The following CANT1 variants were observed in gnomAD, a reference collection of about 807,000 sequenced individuals.
The protein encoded by CANT1 is calcium activated nucleotidase 1.
CANT1 carries 26 observed loss-of-function variants against 30.0 expected under a neutral mutation model. The ratio of observed to expected loss-of-function variants is 0.87; its 90% CI spans 0.64 to 1.20. CANT1 has a LOEUF of 1.20. Ranked by LOEUF, CANT1 falls within the 50% of genes most tolerant of loss-of-function variation. The probability of loss-of-function intolerance (pLI) is 0.00; values close to 1 mark genes in which losing one functional copy is unlikely to be tolerated. For missense variants in CANT1, 518 were observed against 563.0 expected (o/e 0.92, Z 0.81); for synonymous variants, 246 against 251.8 (o/e 0.98, Z 0.22).
At chr17:78,994,974 G>A (rs1599220268) in intron 4 of CANT1, 44 bp downstream of exon 4, 1 of 1,535,168 alleles carries the variant, frequency 6.5e-7, no homozygotes, top group East Asian at 2.4e-5. Context: ...CCCAGCGACT[G>A]GGCTGTGGAA....
Position 78,996,486 on chromosome 17 carries a change from T to G in CANT1, c.631+506A>C, listed in dbSNP as rs139747758. Among the ~76,000 whole-genome samples, 831 of 152,246 alleles carry G rather than the reference T, an allele frequency of 5.5e-3. 8 individuals are homozygous for G. The highest frequency in any genetic ancestry group is 8.7e-3 in the Non-Finnish European group (592 of 68,004). On this transcript the variant is annotated intron_variant, in intron 3 of 4. Transcript: ENST00000392446. This position sits in a 1 kb window ranked among gnomAD's most constrained non-coding sequence, Gnocchi z 5.1. ...GCATCAGGCTCCACTCCAGGGGGGT[T>G]GGCACAGCTCACACATGCCCTCCCC...
rs116584892 is a variant in CANT1 at position 79,002,529 on chromosome 17, C to T, written c.-146-4566G>A. ...CTGCCTGGTGTGTAGACGCGGCCTG[C>T]GTAGACGCGGCCTGCTGTGTAGTCA... On this transcript the variant is annotated intron_variant, in intron 1 of 4. Transcript: ENST00000392446. The surrounding 1 kb of genome is among the most constrained non-coding windows in gnomAD (Gnocchi z 4.0). Among the ~76,000 whole-genome samples, 3,795 of 151,870 alleles carry T rather than the reference C, an allele frequency of 0.025. 54 individuals carry two copies. Among genetic ancestry groups the T allele is most frequent in the Middle Eastern group, 0.031 (9 of 294 alleles).
At chr17:79,006,986 C>T (rs1258147874) in intron 1 of CANT1, among the ~76,000 whole-genome samples, 1 of 152,242 alleles carries the variant, frequency 6.6e-6, no homozygotes, top group African/African-American at 2.4e-5. Context: ...CCCACTCCCA[C>T]ATGGTGGCAT....
In CANT1 at chr17:78,997,662, G is replaced by C. The variant is rs775198770; in HGVS notation, c.-22-18C>G. 3.3e-5 allele frequency: 50 copies of C among 1,520,370 alleles called. No individual in the cohort carries two copies. The South Asian group carries it at 5.1e-4, about 16-fold the overall frequency. 94.2% of individuals were successfully genotyped at this position (1,520,370 alleles called of 1,614,324 possible). ...GGCGGGACCTGCACAGCCAGGGAGGGAGGAGAGGAGTCAGCGCCTCCGCAA... is the reference window on the plus strand; with the variant it reads ...GGCGGGACCTGCACAGCCAGGGAGGCAGGAGAGGAGTCAGCGCCTCCGCAA... On this transcript the variant is annotated intron_variant, in intron 2 of 4. Coordinates refer to ENST00000392446, the MANE Select transcript of CANT1 (RefSeq NM_001159773.2). This position sits in a 1 kb window ranked among gnomAD's most constrained non-coding sequence, Gnocchi z 7.5.
At position 78,993,693 on chromosome 17, in the gene CANT1, C is replaced by T. The variant is rs145516713; in HGVS notation, c.1063G>A (p.Asp355Asn). The T allele has an allele frequency of 5.2e-4, 843 of 1,614,180 alleles. 1 individual carries two copies. The highest frequency in any genetic ancestry group is 2.4e-3 in the Admixed American group (144 of 60,028). The change falls in exon 5 of 5, where the codon GAC (aspartate) becomes AAC (asparagine). Residue 355 changes from aspartate (D) to asparagine (N), a missense_variant. By Grantham distance (23) the Asp-to-Asn change is conservative. Transcript: ENST00000392446. The surrounding 1 kb of genome is among the most constrained non-coding windows in gnomAD (Gnocchi z 4.5). ...GATTTGAGGGCCACAATGATCTGGT[C>T]GTCGGTGTTGGGGATGAACTTGAAG... ...SSFKFIPNTD[D>N]QIIVALKSEE...
rs2070913076 is a variant in CANT1 at position 78,993,641 on chromosome 17, G to T, written c.1115C>A (p.Ser372Tyr). 1 of 1,614,146 alleles carries T rather than the reference G, an allele frequency of 6.2e-7. No homozygotes were observed. Among genetic ancestry groups the T allele is most frequent in the South Asian group, 1.1e-5 (1 of 91,090 alleles). The part of the protein sequence containing the change: ...KSEEDSGRVA[S>Y]YIMAFTLDGR... ...GTCCAGCGTGAAGGCCATGATGTAG[G>T]AGGCGACTCTGCCGCTGTCCTCCTC... Residue 372 changes from serine to tyrosine, a missense_variant, in exon 5 of 5, where the codon TCC becomes TAC. Physicochemically the swap from Ser to Tyr is moderately radical, Grantham distance 144. Coordinates refer to ENST00000392446, the MANE Select transcript of CANT1 (RefSeq NM_001159773.2). This position sits in a 1 kb window ranked among gnomAD's most constrained non-coding sequence, Gnocchi z 4.5.
intron 4 of CANT1, 48 bp downstream of exon 4, chr17:78,994,970 G>T: frequency 6.5e-7 from 1 of 1,529,302 alleles, no homozygotes; most frequent in Non-Finnish European, 8.8e-7. Context: ...GGTTCCCAGC[G>T]ACTGGGCTGT....
In CANT1 at chr17:78,996,945, C is replaced by G. The variant is rs1325061744; in HGVS notation, c.631+47G>C. On this transcript the variant is annotated intron_variant, in intron 3 of 4. Transcript: ENST00000392446. This position sits in a 1 kb window ranked among gnomAD's most constrained non-coding sequence, Gnocchi z 5.1. ...CTGTGTTTGCCAGCCAGGCCCTGAG[C>G]TCCCACTCCCCACCCACACCTCCAT... 6.2e-7 allele frequency: 1 copy of G among 1,610,030 alleles called. No individual in the cohort carries two copies. The highest frequency in any genetic ancestry group is 2.2e-5 in the East Asian group (1 of 44,884).
chr17:79,000,983 T>C (rs1366670756), intron 1 of CANT1, among the ~76,000 whole-genome samples: 1 of 152,102 alleles, frequency 6.6e-6, no homozygotes, highest in Non-Finnish European at 1.5e-5. Context: ...GGTGAGCCAT[T>C]AGCCACTTCT....
At position 78,995,378 on chromosome 17, in the gene CANT1, A is replaced by T; in HGVS notation, c.632-157T>A. On this transcript the variant is annotated intron_variant, in intron 3 of 4. Coordinates refer to ENST00000392446, the MANE Select transcript of CANT1 (RefSeq NM_001159773.2). This position sits in a 1 kb window ranked among gnomAD's most constrained non-coding sequence, Gnocchi z 5.7. ...TCCGGCCCGCACCTGGCTCCCGCCC[A>T]GGGCCGGCCGGCTGCCCTCCCCTCA... The T allele has an allele frequency of 1.3e-6, 1 of 761,020 alleles. No individual in the cohort carries two copies. Among genetic ancestry groups the T allele is most frequent in the Non-Finnish European group, 2.2e-6 (1 of 463,252 alleles). 47.1% of individuals were successfully genotyped at this position (761,020 alleles called of 1,614,324 possible). A position where few individuals can be genotyped will look rare whatever the true frequency, so the allele number is the denominator to read the frequency against.
chr17:78,993,898 G>A lies in CANT1; in HGVS notation c.858C>T (p.Ala286=), dbSNP rs1269003955. ...AGCGCTGCAGCGTGTCACTCCAGCA[G>A]GCAGACTCATGGATGAGGTAGCCTG... ...QPPGYLIHES[A]CWSDTLQRWF... is the part of the protein sequence containing the mutation. Residue 286 remains alanine, a synonymous_variant, in exon 5 of 5, where the codon GCC becomes GCT. Transcript: ENST00000392446. The surrounding 1 kb of genome is among the most constrained non-coding windows in gnomAD (Gnocchi z 4.5). 7 of 1,589,798 alleles carry A rather than the reference G, an allele frequency of 4.4e-6. No homozygotes were observed. Among genetic ancestry groups the A allele is most frequent in the Non-Finnish European group, 5.1e-6 (6 of 1,174,432 alleles).
At position 78,993,989 on chromosome 17, in the gene CANT1, C is replaced by T. The variant is rs986368921; in HGVS notation, c.836-69G>A. ...TGTGCCCAGCCCCACACCATCAGGC[C>T]GTGCGCAGTAGCAGGCAAGGGGCTG... On this transcript the variant is annotated intron_variant, in intron 4 of 4. Transcript: ENST00000392446. The surrounding 1 kb of genome is among the most constrained non-coding windows in gnomAD (Gnocchi z 4.5). The T allele has an allele frequency of 2.7e-6, 4 of 1,506,072 alleles. No homozygotes were observed. The highest frequency in any genetic ancestry group is 2.1e-5 in the Admixed American group (1 of 48,236). 93.3% of individuals were successfully genotyped at this position (1,506,072 alleles called of 1,614,324 possible). A position where few individuals can be genotyped will look rare whatever the true frequency, so the allele number is the denominator to read the frequency against.
chr17:79,000,497 C>T (rs2071217963), intron 1 of CANT1, among the ~76,000 whole-genome samples: 1 of 151,472 alleles, frequency 6.6e-6, no homozygotes, highest in Non-Finnish European at 1.5e-5. Flanking sequence ...TGCCAGCTGC[C>T]CCCCACCAAC....
intron 1 of CANT1, among the ~76,000 whole-genome samples, chr17:79,007,300 A>G (rs1210823138): frequency 6.6e-6 from 1 of 152,260 alleles, no homozygotes; most frequent in Non-Finnish European, 1.5e-5. Flanking sequence ...TTGGCATTTC[A>G]TAAGAGCTTT....
chr17:78,994,998 C>T lies in CANT1; in HGVS notation c.835+20G>A. ...TGGGCTGTGGAAGCCACACTGTGGG[C>T]TGGGGCAGGCGTCTCTTACCTGGCG... On this transcript the variant is annotated intron_variant, in intron 4 of 4. Coordinates refer to ENST00000392446, the MANE Select transcript of CANT1 (RefSeq NM_001159773.2). The T allele has an allele frequency of 1.3e-6, 2 of 1,551,320 alleles. No homozygotes were observed. Among genetic ancestry groups the T allele is most frequent in the South Asian group, 1.2e-5 (1 of 84,570 alleles).
In CANT1 at chr17:78,993,784, G is replaced by C. The variant is rs1437197200; in HGVS notation, c.972C>G (p.Ser324=). Reference sequence around the variant, plus strand: ...TCACAGCGATGTCGCCGAAGTCAGGGGAGGCGCTCAGCAGCAGGTTGGCGC... The same window carrying C: ...TCACAGCGATGTCGCCGAAGTCAGGCGAGGCGCTCAGCAGCAGGTTGGCGC... ...RKGANLLLSA[S]PDFGDIAVSH... is the part of the protein sequence containing the mutation. The change falls in exon 5 of 5, where the codon TCC becomes TCG. Residue 324 remains serine (S), a synonymous_variant. Transcript: ENST00000392446. This position sits in a 1 kb window ranked among gnomAD's most constrained non-coding sequence, Gnocchi z 4.5. 5 of 1,612,396 alleles carry C rather than the reference G, an allele frequency of 3.1e-6. No individual in the cohort carries two copies. The highest frequency in any genetic ancestry group is 2.5e-6 in the Non-Finnish European group (3 of 1,179,762).
intron 1 of CANT1, among the ~76,000 whole-genome samples, chr17:79,000,710 A>C (rs944308901): frequency 6.6e-6 from 1 of 152,184 alleles, no homozygotes; most frequent in Admixed American, 6.5e-5. Flanking sequence ...CAGAGCCTGC[A>C]GTTCCCCCTG....
intron 1 of CANT1, among the ~76,000 whole-genome samples, chr17:79,001,219 G>A (rs2071248959): frequency 6.6e-6 from 1 of 152,084 alleles, no homozygotes; most frequent in South Asian, 2.1e-4. Context: ...GTTCTTCCCT[G>A]TTCAACTCCC....
chr17:78,997,485 G>A lies in CANT1; in HGVS notation c.138C>T (p.Ile46=). 1 of 1,589,456 alleles carries A rather than the reference G, an allele frequency of 6.3e-7. No individual in the cohort carries two copies. The highest frequency in any genetic ancestry group is 2.2e-5 in the East Asian group (1 of 44,548). Residue 46 remains isoleucine, a synonymous_variant, in exon 3 of 5, where the codon ATC becomes ATT. Transcript: ENST00000392446. This position sits in a 1 kb window ranked among gnomAD's most constrained non-coding sequence, Gnocchi z 7.5. ...TGGCAGCACCCACAAAGAACGTCAG[G>A]ATCACCTTCCAGCGGGGGCGGAAGC... ...DPRFRPRWKV[I]LTFFVGAAIL... is the part of the protein sequence containing the mutation.
Sources: gnomAD v4.1 joint callset for allele counts (sites outside exome capture counted in the v4.1 genomes callset) on GRCh38, gnomAD v4.1.1 for gene constraint, Gnocchi (gnomAD v3.1) non-coding constraint, MANE v1.5 for transcripts, NCBI Gene and HGNC (gene_info 2026-07-23, HGNC 2026-07-21) for gene names.